EGFLAM: variants seen among roughly 807,000 people sequenced by gnomAD.
EGFLAM encodes pikachurin.
Under a neutral mutation model 113.1 loss-of-function variants are expected in EGFLAM, and 79 were observed. The ratio of observed to expected loss-of-function variants is 0.70; its 90% CI spans 0.58 to 0.84. The LOEUF (loss-of-function observed/expected upper bound fraction) is 0.84, where lower values mean the gene tolerates loss of function less well. Among genes scored for constraint, EGFLAM ranks in the 40% least tolerant of loss-of-function variants. The pLI is 0.00. For synonymous variants in EGFLAM, 504 were observed against 487.6 expected, an observed-to-expected ratio of 1.03 and a Z score of -0.44; for missense variants, 1,265 against 1,291.6, an observed-to-expected ratio of 0.98 and a Z score of 0.32.
chr5:38,342,141 G>A (rs976451822), intron 3 of EGFLAM, among the ~76,000 whole-genome samples: 1 of 152,186 alleles, frequency 6.6e-6, no homozygotes, highest in East Asian at 1.9e-4. Context: ...ACAGACAGCT[G>A]AATCTACAAG....
chr5:38,384,667 G>A (rs892394590), intron 6 of EGFLAM, among the ~76,000 whole-genome samples: 4 of 152,136 alleles, frequency 2.6e-5, no homozygotes, highest in Non-Finnish European at 5.9e-5. Flanking sequence ...TGACAGAGTG[G>A]CCCATAGGGA....
At chr5:38,431,026 G>A (rs1742170377) in intron 14 of EGFLAM, 151 bp from the exon 15 acceptor site, 9 of 684,416 alleles carry the variant, frequency 1.3e-5, no homozygotes, top group Admixed American at 2.7e-5. Context: ...GGTGAGGGCA[G>A]ATCTTTACTA....
At chr5:38,393,489 A>G (rs947159415) in intron 6 of EGFLAM, among the ~76,000 whole-genome samples, 3 of 152,208 alleles carry the variant, frequency 2.0e-5, no homozygotes, top group Non-Finnish European at 4.4e-5. Flanking sequence ...TGCAGGCACC[A>G]GAAGTTCTTT....
At chr5:38,436,852 C>CTAGCA (rs1254484700) in intron 16 of EGFLAM, among the ~76,000 whole-genome samples, 1 of 152,184 alleles carries the variant, frequency 6.6e-6, no homozygotes, top group Non-Finnish European at 1.5e-5. Context: ...TGGCTACTTT[C>CTAGCA]TAGCAGCTTC....
chr5:38,317,018 G>A lies in EGFLAM; in HGVS notation c.98-20502G>A, dbSNP rs1315247355. On this transcript the variant is annotated intron_variant, in intron 1 of 21. Transcript: ENST00000322350. ...AATGTTCCGGTGTCCATTCTATCACGTGATCCTGGAAGTAATTGGAAACAT... is the reference window on the plus strand; with the variant it reads ...AATGTTCCGGTGTCCATTCTATCACATGATCCTGGAAGTAATTGGAAACAT... Among the ~76,000 whole-genome samples the A allele has an allele frequency of 2.0e-5, 3 of 152,128 alleles. No homozygotes were observed. In the East Asian group the frequency reaches 5.8e-4, roughly 29 times the overall value.
intron 1 of EGFLAM, among the ~76,000 whole-genome samples, chr5:38,314,356 C>A (rs1738536204): frequency 6.6e-6 from 1 of 152,206 alleles, no homozygotes; most frequent in Non-Finnish European, 1.5e-5. Context: ...TATGCCAATA[C>A]CATGGTGTTT....
At chr5:38,446,446 C>T (rs566606852) in intron 17 of EGFLAM, among the ~76,000 whole-genome samples, 9 of 152,184 alleles carry the variant, frequency 5.9e-5, no homozygotes, top group Admixed American at 5.2e-4. Flanking sequence ...ACCCGTTTTC[C>T]TACTCGGCTC....
At chr5:38,301,014 A>C (rs1758562909) in intron 1 of EGFLAM, among the ~76,000 whole-genome samples, 1 of 152,140 alleles carries the variant, frequency 6.6e-6, no homozygotes, top group Admixed American at 6.5e-5. Flanking sequence ...GGTGGTTGGG[A>C]GATCAGGAGT....
rs781435086 is a variant in EGFLAM, at chr5:38,370,351, A to G, written c.601A>G (p.Met201Val). ...SIHERIQMDS[M>V]VIKGLDPDTN... The stretch of plus-strand genomic sequence containing the variant: ...CCATGAGCGGATCCAGATGGACTCC[A>G]TGGTTATCAAGGGCCTCGATCCAGA... Residue 201 changes from methionine to valine, a missense_variant, in exon 6 of 22, where the codon ATG (methionine) becomes GTG (valine). Transcript: ENST00000322350. 1.9e-6 allele frequency: 3 copies of G among 1,614,098 alleles called. No individual in the cohort carries two copies. The highest frequency in any genetic ancestry group is 2.7e-5 in the African/African-American group (2 of 74,942).
intron 5 of EGFLAM, among the ~76,000 whole-genome samples, chr5:38,354,731 CA>C (rs969680751): frequency 4.7e-5 from 7 of 150,188 alleles, no homozygotes; most frequent in Admixed American, 1.3e-4. Flanking sequence ...TTCTGTCTCC[CA>C]AAAAAAAATC....
intron 6 of EGFLAM, among the ~76,000 whole-genome samples, chr5:38,371,767 G>A (rs1740226428): frequency 6.6e-6 from 1 of 152,128 alleles, no homozygotes; most frequent in Admixed American, 6.5e-5. Flanking sequence ...AAGGCTGACG[G>A]CATTCTTCCT....
chr5:38,366,680 C>T (rs1740068902), intron 5 of EGFLAM, among the ~76,000 whole-genome samples: 1 of 152,156 alleles, frequency 6.6e-6, no homozygotes, highest in Non-Finnish European at 1.5e-5. Flanking sequence ...CCTTCAGTGA[C>T]CATGTAGGTA....
At chr5:38,385,340 TTA>T (rs1740633732) in intron 6 of EGFLAM, among the ~76,000 whole-genome samples, 1 of 131,278 alleles carries the variant, frequency 7.6e-6, no homozygotes, top group South Asian at 2.6e-4. Flanking sequence ...CTCAAGTCTC[TTA>T]TATAAAATAG....
chr5:38,322,783 T>C (rs1322209530), intron 1 of EGFLAM, among the ~76,000 whole-genome samples: 1 of 152,256 alleles, frequency 6.6e-6, no homozygotes, highest in South Asian at 2.1e-4. Flanking sequence ...AAGGGAAGCA[T>C]GATTGTGATG....
chr5:38,276,396 C>T (rs1757885074), intron 1 of EGFLAM, among the ~76,000 whole-genome samples: 1 of 152,092 alleles, frequency 6.6e-6, no homozygotes, highest in African/African-American at 2.4e-5. Context: ...AGAATTACAA[C>T]ATATCAAAGC....
chr5:38,260,033 C>A (rs1299021354), intron 1 of EGFLAM, among the ~76,000 whole-genome samples: 3 of 151,958 alleles, frequency 2.0e-5, no homozygotes, highest in African/African-American at 7.3e-5. Context: ...GCCTTGAAAT[C>A]TAAGGTCATT....
chr5:38,354,752 T>A (rs1230462508), intron 5 of EGFLAM, among the ~76,000 whole-genome samples: 2 of 152,200 alleles, frequency 1.3e-5, no homozygotes, highest in Non-Finnish European at 2.9e-5. Flanking sequence ...CCCAGTTTTT[T>A]ATGTTTTTAT....
chr5:38,391,943 AT>A (rs34258430), intron 6 of EGFLAM, among the ~76,000 whole-genome samples: 2 of 151,236 alleles, frequency 1.3e-5, no homozygotes, highest in African/African-American at 2.4e-5. Context: ...CACTCGGCTA[AT>A]TTTTTTTTCT....
chr5:38,313,208 C>G (rs1319561638), intron 1 of EGFLAM, among the ~76,000 whole-genome samples: 1 of 152,122 alleles, frequency 6.6e-6, no homozygotes. Flanking sequence ...TGATTTTGCT[C>G]TGCATAATTT....
Sources: gnomAD v4.1 joint callset for allele counts (sites outside exome capture counted in the v4.1 genomes callset) on GRCh38, gnomAD v4.1.1 for gene constraint, MANE v1.5 for transcripts, NCBI Gene and HGNC (gene_info 2026-07-23, HGNC 2026-07-21) for gene names.